ADAM2: variants seen among roughly 807,000 people sequenced by gnomAD.
ADAM2 encodes disintegrin and metalloproteinase domain-containing protein 2.
ADAM2 carries 101 observed loss-of-function variants against 99.3 expected under a neutral mutation model. That is an observed-to-expected ratio of 1.02 (90% CI 0.87 to 1.20). The LOEUF (loss-of-function observed/expected upper bound fraction) is 1.20. Among genes scored for constraint, ADAM2 ranks in the 50% most tolerant of loss-of-function variants. The pLI is 0.00. For synonymous variants in ADAM2, 323 were observed against 287.6 expected, an observed-to-expected ratio of 1.12 and a Z score of -1.25; for missense variants, 948 against 878.7, an observed-to-expected ratio of 1.08 and a Z score of -1.00.
At position 39,753,666 on chromosome 8, in the gene ADAM2, T is replaced by C. The variant is rs887886192; in HGVS notation, c.1797+2062A>G. Reference sequence around the variant, plus strand: ...CTGCCTCAGGACTTGGCACCCTGCATCCCAGCCACTCTAGCTATGGCTAAA... The same window carrying C: ...CTGCCTCAGGACTTGGCACCCTGCACCCCAGCCACTCTAGCTATGGCTAAA... On this transcript the variant is annotated intron_variant, in intron 16 of 20. Transcript: ENST00000265708. 5.3e-5 allele frequency among the ~76,000 whole-genome samples: 8 copies of C among 152,214 alleles called. No homozygotes were observed. The South Asian group carries it at 1.7e-3, about 32-fold the overall frequency.
intron 16 of ADAM2, among the ~76,000 whole-genome samples, chr8:39,751,496 GT>G (rs869050349): frequency 6.7e-6 from 1 of 149,518 alleles, no homozygotes; most frequent in Non-Finnish European, 1.5e-5. Context: ...TTTTGTCTGG[GT>G]TTTGTTTGTT....
intron 7 of ADAM2, among the ~76,000 whole-genome samples, chr8:39,789,083 C>G (rs1037871047): frequency 1.3e-5 from 2 of 151,442 alleles, no homozygotes; most frequent in African/African-American, 4.8e-5. Context: ...AGACATAGTA[C>G]ATTTTTGAAG....
rs200220193 is a variant in ADAM2 at position 39,746,496 on chromosome 8, C to T, written c.2150G>A (p.Arg717Lys). The T allele has an allele frequency of 2.3e-5, 36 of 1,592,872 alleles. No homozygotes were observed. Among genetic ancestry groups the T allele is most frequent in the Non-Finnish European group, 6.8e-6 (8 of 1,171,768 alleles). The change falls in exon 19 of 21, where the codon AGA becomes AAA. Residue 717 changes from arginine to lysine, a missense_variant. Coordinates refer to ENST00000265708, the MANE Select transcript of ADAM2 (RefSeq NM_001464.5). ...CTCATCGCTTGAATAGTCCTCAGTT[C>T]TCCATTTTTTCCTTTGGAAATTAAC... ...VKVNFQRKKWRTEDYSSDEQP... is the reference protein window; with the variant it reads ...VKVNFQRKKWKTEDYSSDEQP...
intron 16 of ADAM2, among the ~76,000 whole-genome samples, chr8:39,753,831 TCACA>T (rs902089365): frequency 2.8e-5 from 3 of 108,884 alleles, no homozygotes; most frequent in South Asian, 3.6e-4. Flanking sequence ...ACACACACAC[TCACA>T]CACACACACA....
rs539792977 is a variant in ADAM2, at chr8:39,759,726, A to C, written c.1613+1450T>G. ...GTAAACAACCTGTAAACCTAGGCAA[A>C]GGGTATATGGGAATTCCTTGCACTA... On this transcript the variant is annotated intron_variant, in intron 15 of 20. Coordinates refer to ENST00000265708, the MANE Select transcript of ADAM2 (RefSeq NM_001464.5). Among the ~76,000 whole-genome samples the C allele has an allele frequency of 2.6e-5, 4 of 152,274 alleles. No individual in the cohort carries two copies. The East Asian group carries it at 7.7e-4, about 29-fold the overall frequency.
At chr8:39,794,171 T>C (rs1182787914) in intron 7 of ADAM2, among the ~76,000 whole-genome samples, 2 of 152,150 alleles carry the variant, frequency 1.3e-5, no homozygotes, top group African/African-American at 2.4e-5. Flanking sequence ...TCTGTGTATG[T>C]TGATGTATGC....
At chr8:39,815,952 C>T (rs1404240290) in intron 6 of ADAM2, among the ~76,000 whole-genome samples, 1 of 151,856 alleles carries the variant, frequency 6.6e-6, no homozygotes, top group Non-Finnish European at 1.5e-5. Context: ...TCAGTTCACA[C>T]ATAATAGGAT....
At chr8:39,749,257 T>C in intron 18 of ADAM2, 55 bp downstream of exon 18, 1 of 1,458,526 alleles carries the variant, frequency 6.9e-7, no homozygotes, top group Non-Finnish European at 9.3e-7. Flanking sequence ...TGTTATCCAA[T>C]TTAATAAATT....
intron 15 of ADAM2, among the ~76,000 whole-genome samples, chr8:39,760,453 G>GA (rs1802305784): frequency 6.6e-6 from 1 of 152,168 alleles, no homozygotes; most frequent in Non-Finnish European, 1.5e-5. Flanking sequence ...CAGGCGCGGT[G>GA]GCTCACGCCT....
At position 39,746,649 on chromosome 8, in the gene ADAM2, CAA is replaced by C. The variant is rs750453828; in HGVS notation, c.2015-20_2015-19del. 110 of 1,545,226 alleles carry C rather than the reference CAA, an allele frequency of 7.1e-5. No homozygotes were observed. Among genetic ancestry groups the C allele is most frequent in the Non-Finnish European group, 9.2e-5 (106 of 1,153,134 alleles). ...GCGCCTTTCTAGAAGAAAAAAAAAT[CAA>C]AGATTTGAAAGCAAGCACCAGAAAT... On this transcript the variant is annotated intron_variant, in intron 18 of 20. Coordinates refer to ENST00000265708, the MANE Select transcript of ADAM2 (RefSeq NM_001464.5).
At chr8:39,778,199 C>G (rs892318813) in intron 10 of ADAM2, among the ~76,000 whole-genome samples, 6 of 151,736 alleles carry the variant, frequency 4.0e-5, no homozygotes, top group Non-Finnish European at 8.8e-5. Flanking sequence ...TATCTACTAA[C>G]ATTTTGATGA....
chr8:39,767,083 G>A (rs745332286), intron 13 of ADAM2, 40 bp from the exon 14 acceptor site: 13 of 1,602,982 alleles, frequency 8.1e-6, no homozygotes, highest in Non-Finnish European at 1.1e-5. Context: ...TAAGCAGAAT[G>A]AGAATACATA....
intron 6 of ADAM2, among the ~76,000 whole-genome samples, chr8:39,812,248 A>G (rs1804734920): frequency 6.6e-6 from 1 of 152,222 alleles, no homozygotes; most frequent in Non-Finnish European, 1.5e-5. Context: ...AAGGAGAACT[A>G]CAAACCACTG....
At chr8:39,745,008 C>T (rs1456675972) in intron 19 of ADAM2, 115 bp from the exon 20 acceptor site, 1 of 762,584 alleles carries the variant, frequency 1.3e-6, no homozygotes, top group East Asian at 2.6e-5. Context: ...ACTGGGTTCA[C>T]CCATTATTTG....
rs1220027271 is a variant in ADAM2 at position 39,768,655 on chromosome 8, A to G, written c.1212+737T>C. ...AAAATATCTCTCTTTCTGAACAACA[A>G]AGGAATTTAGGTTAAATACTAGTTT... On this transcript the variant is annotated intron_variant, in intron 12 of 20. Coordinates refer to ENST00000265708, the MANE Select transcript of ADAM2 (RefSeq NM_001464.5). Among the ~76,000 whole-genome samples the G allele has an allele frequency of 2.6e-5, 4 of 152,200 alleles. No homozygotes were observed. The East Asian group carries it at 7.7e-4, about 29-fold the overall frequency.
chr8:39,781,610 A>G (rs573075613), intron 10 of ADAM2, among the ~76,000 whole-genome samples: 1 of 152,166 alleles, frequency 6.6e-6, no homozygotes, highest in African/African-American at 2.4e-5. Flanking sequence ...ATATTCCACA[A>G]TATGTTTATG....
intron 7 of ADAM2, among the ~76,000 whole-genome samples, chr8:39,791,792 C>T (rs1444927428): frequency 2.0e-5 from 3 of 152,000 alleles, no homozygotes; most frequent in East Asian, 3.9e-4. Flanking sequence ...TTGTTTCTCT[C>T]CTCCTTGTTT....
chr8:39,779,337 T>C (rs1803127681), intron 10 of ADAM2, among the ~76,000 whole-genome samples: 2 of 152,096 alleles, frequency 1.3e-5, no homozygotes, highest in Admixed American at 1.3e-4. Context: ...ATCTCTGCTG[T>C]CTCTTCCTCC....
At chr8:39,774,254 T>C (rs953409212) in intron 11 of ADAM2, among the ~76,000 whole-genome samples, 1 of 151,842 alleles carries the variant, frequency 6.6e-6, no homozygotes, top group Non-Finnish European at 1.5e-5. Flanking sequence ...TAAATCAGAG[T>C]GAAACAAAGA....
Sources: gnomAD v4.1 joint callset for allele counts (sites outside exome capture counted in the v4.1 genomes callset) on GRCh38, gnomAD v4.1.1 for gene constraint, MANE v1.5 for transcripts, NCBI Gene and HGNC (gene_info 2026-07-23, HGNC 2026-07-21) for gene names.